The following FMN2 variants were observed in gnomAD, a reference collection of about 807,000 sequenced individuals.
FMN2 encodes formin 2, also known as formin-2.
A neutral mutation model predicts 142.3 loss-of-function variants in FMN2; 51 were observed. That is an observed-to-expected ratio of 0.36 (90% CI 0.29 to 0.45). The LOEUF is 0.45. FMN2 is among the 20% of genes least tolerant of loss of function. The probability of loss-of-function intolerance (pLI) is 1.00; values close to 1 mark genes in which losing one functional copy is unlikely to be tolerated. For missense variants in FMN2, 1,936 were observed against 2,122.8 expected (o/e 0.91, Z 1.73); for synonymous variants, 882 against 869.8 (o/e 1.01, Z -0.25).
At chr1:240,355,951 CAAAAAAAAAAAAAAAAAAAA>C (rs58002724) in intron 14 of FMN2, 43 bp downstream of exon 14, 33,035 of 250,214 alleles carry the variant, frequency 0.13, 321 homozygotes, top group East Asian at 0.18. Context: ...CCCCTTTCAG[CAAAAAAAAAAAAAAAAAAAA>C]AAAAAAAAAA....
intron 15 of FMN2, among the ~76,000 whole-genome samples, chr1:240,397,785 C>CAAA (rs35826717): frequency 0.017 from 811 of 46,782 alleles, 45 homozygotes; most frequent in South Asian, 0.036. Flanking sequence ...GACTCCTTCT[C>CAAA]AAAAAAAAAA....
chr1:240,332,812 T>G (rs181105221), intron 11 of FMN2, among the ~76,000 whole-genome samples: 342 of 152,328 alleles, frequency 2.2e-3, no homozygotes, highest in African/African-American at 8.0e-3. Flanking sequence ...GAGCTGTTAC[T>G]TTGATCACTT....
At chr1:240,416,028 A>G (rs750957871) in intron 15 of FMN2, among the ~76,000 whole-genome samples, 1 of 151,960 alleles carries the variant, frequency 6.6e-6, no homozygotes, top group Non-Finnish European at 1.5e-5. Flanking sequence ...AATCCACCAG[A>G]CCAGAGCCCC....
At chr1:240,455,873 G>A (rs1407494468) in intron 16 of FMN2, among the ~76,000 whole-genome samples, 2 of 152,034 alleles carry the variant, frequency 1.3e-5, no homozygotes, top group Admixed American at 1.3e-4. Flanking sequence ...TACTCAGGAG[G>A]CTGAGACAGG....
chr1:240,098,211 C>CCT lies in FMN2; in HGVS notation c.1615+4488_1615+4489dup, dbSNP rs1661287981. Among the ~76,000 whole-genome samples the CCT allele has an allele frequency of 6.6e-5, 10 of 150,606 alleles. No individual in the cohort carries two copies. In the South Asian group the frequency reaches 2.1e-3, roughly 32 times the overall value. ...CCGCCCACTGGGTTCAAGCAATTCTCCTGCCTCAGCTTCCAGAGTAGCTGG... is the reference window on the plus strand; with the variant it reads ...CCGCCCACTGGGTTCAAGCAATTCTCCTCTGCCTCAGCTTCCAGAGTAGCTGG... On this transcript the variant is annotated intron_variant, in intron 1 of 17. Coordinates refer to ENST00000319653, the MANE Select transcript of FMN2 (RefSeq NM_020066.5).
At position 240,474,251 on chromosome 1, in the gene FMN2, G is replaced by T; in HGVS notation, c.*97G>T. On this transcript the variant is annotated 3_prime_UTR_variant, in exon 18 of 18. Transcript: ENST00000319653. Reference sequence around the variant, plus strand: ...GGGAAACTACCGTCATTCTGCTCATGTTTCTTCTTGACCTCTTGCATAATC... The same window carrying T: ...GGGAAACTACCGTCATTCTGCTCATTTTTCTTCTTGACCTCTTGCATAATC... 2 of 1,129,798 alleles carry T rather than the reference G, an allele frequency of 1.8e-6. No individual in the cohort carries two copies. Among genetic ancestry groups the T allele is most frequent in the Non-Finnish European group, 2.5e-6 (2 of 812,352 alleles). The allele number at this position is 1,129,798 out of a possible 1,614,324, so 70.0% of individuals were successfully genotyped here.
chr1:240,332,309 C>A (rs961662198), intron 11 of FMN2, among the ~76,000 whole-genome samples: 5 of 151,436 alleles, frequency 3.3e-5, no homozygotes, highest in Admixed American at 6.6e-5. Context: ...AGCCCGTAAT[C>A]CCAGCTACTT....
intron 6 of FMN2, among the ~76,000 whole-genome samples, chr1:240,226,550 G>A (rs1268161255): frequency 6.6e-6 from 1 of 152,142 alleles, no homozygotes; most frequent in Non-Finnish European, 1.5e-5. Flanking sequence ...CAAGTTGAAC[G>A]AAAATGATAT....
intron 14 of FMN2, among the ~76,000 whole-genome samples, chr1:240,373,275 G>A (rs1329092036): frequency 6.6e-6 from 1 of 152,154 alleles, no homozygotes; most frequent in Non-Finnish European, 1.5e-5. Flanking sequence ...GTTGACAGCT[G>A]CTCGCTGACA....
At chr1:240,098,096 A>ATTTTT (rs1558293621) in intron 1 of FMN2, among the ~76,000 whole-genome samples, 1 of 81,192 alleles carries the variant, frequency 1.2e-5, no homozygotes, top group African/African-American at 7.1e-5. Flanking sequence ...GGTTATCTTG[A>ATTTTT]ATTTTTTTTT....
rs59902639 is a variant in FMN2, at chr1:240,252,953, CT to C, written c.4066-4975del. On this transcript the variant is annotated intron_variant, in intron 6 of 17. Transcript: ENST00000319653. The stretch of plus-strand genomic sequence containing the variant: ...CCCATGTGTGATGTAGTCTTGTTCA[CT>C]TTTTTTTTTTTTTTTTGGAGACAGA... Among the ~76,000 whole-genome samples, 42 of 65,344 alleles carry C rather than the reference CT, an allele frequency of 6.4e-4. 4 individuals are homozygous for C. The highest frequency in any genetic ancestry group is 1.4e-3 in the Admixed American group (6 of 4,172). The allele number at this position is 65,344 out of a possible 152,430, so 42.9% of individuals were successfully genotyped here.
chr1:240,273,598 G>A (rs973643144), intron 7 of FMN2, among the ~76,000 whole-genome samples: 1 of 152,138 alleles, frequency 6.6e-6, no homozygotes, highest in African/African-American at 2.4e-5. Context: ...CTTTAGTGTT[G>A]TACTGTCTCG....
intron 16 of FMN2, among the ~76,000 whole-genome samples, chr1:240,438,701 A>G (rs9728305): frequency 0.75 from 114,341 of 152,096 alleles, 43,430 homozygotes; most frequent in African/African-American, 0.86. Flanking sequence ...TTGTAGAATT[A>G]TGTGATACCT....
At chr1:240,277,473 T>A (rs1669254554) in intron 7 of FMN2, among the ~76,000 whole-genome samples, 1 of 148,952 alleles carries the variant, frequency 6.7e-6, no homozygotes, top group Admixed American at 6.7e-5. Context: ...GGGAGAAGGA[T>A]GTGTTTTATG....
chr1:240,424,410 G>C (rs1430977481), intron 15 of FMN2, among the ~76,000 whole-genome samples: 1 of 152,172 alleles, frequency 6.6e-6, no homozygotes, highest in Non-Finnish European at 1.5e-5. Flanking sequence ...GCACTGGCTT[G>C]CTGTACTCTT....
At chr1:240,130,941 G>A (rs944469796) in intron 2 of FMN2, among the ~76,000 whole-genome samples, 1 of 151,996 alleles carries the variant, frequency 6.6e-6, no homozygotes, top group East Asian at 1.9e-4. Flanking sequence ...CCCCTGCCCT[G>A]TTATTAGGAA....
At chr1:240,206,590 C>T (rs1197698359) in intron 4 of FMN2, among the ~76,000 whole-genome samples, 4 of 152,058 alleles carry the variant, frequency 2.6e-5, no homozygotes, top group Non-Finnish European at 1.5e-5. Context: ...CAGATGTGGA[C>T]TTAAGATTCT....
intron 2 of FMN2, among the ~76,000 whole-genome samples, chr1:240,158,317 C>T (rs139225944): frequency 1.8e-4 from 28 of 152,180 alleles, no homozygotes; most frequent in Admixed American, 1.8e-3. Flanking sequence ...GGTAGGAGAA[C>T]CTTTCTGTCT....
In FMN2 at chr1:240,136,314, C is replaced by T. The variant is rs189209529; in HGVS notation, c.1782+12969C>T. ...TAGTAATGATAGTTATTGTTATTCC[C>T]CCGATCATGAAGTTTTCTGAGCTCA... is the stretch of plus-strand genomic sequence containing the variant. On this transcript the variant is annotated intron_variant, in intron 2 of 17. Transcript: ENST00000319653. Among the ~76,000 whole-genome samples, 510 of 152,126 alleles carry T rather than the reference C, an allele frequency of 3.4e-3. 5 individuals are homozygous for T. Among genetic ancestry groups the T allele is most frequent in the Non-Finnish European group, 4.2e-3 (286 of 68,002 alleles).
Sources: gnomAD v4.1 joint callset for allele counts (sites outside exome capture counted in the v4.1 genomes callset) on GRCh38, gnomAD v4.1.1 for gene constraint, MANE v1.5 for transcripts, NCBI Gene and HGNC (gene_info 2026-07-23, HGNC 2026-07-21) for gene names.